Variants in ABI2 observed in about 807,000 individuals in gnomAD.
The protein encoded by ABI2 is abelson interactor 2.
In ABI2, 25 loss-of-function variants were observed where a neutral mutation model predicts 59.2. The ratio of observed to expected loss-of-function variants is 0.42; its 90% confidence interval spans 0.31 to 0.59. The LOEUF is 0.59. Among genes scored for constraint, ABI2 ranks in the 20% least tolerant of loss-of-function variants. The pLI, the probability that ABI2 is intolerant of heterozygous loss-of-function variation, is 0.14. For synonymous variants in ABI2, 213 were observed against 235.5 expected, an observed-to-expected ratio of 0.90 and a Z score of 0.87; for missense variants, 545 against 681.8, an observed-to-expected ratio of 0.80 and a Z score of 2.23.
intron 8 of ABI2, among the ~76,000 whole-genome samples, chr2:203,398,352 G>A (rs1245124669): frequency 3.3e-5 from 5 of 152,252 alleles, no homozygotes; most frequent in Non-Finnish European, 5.9e-5. Flanking sequence ...CCAACTGAGA[G>A]TCTATGTTTT....
intron 5 of ABI2, 29 bp downstream of exon 5, chr2:203,391,172 A>G (rs377657499): frequency 6.6e-5 from 96 of 1,464,294 alleles, no homozygotes; most frequent in Non-Finnish European, 8.8e-5. Flanking sequence ...ATTGAAAACC[A>G]TTTCATGTAG....
intron 1 of ABI2, among the ~76,000 whole-genome samples, chr2:203,364,005 C>T (rs1017322101): frequency 6.6e-6 from 1 of 151,842 alleles, no homozygotes; most frequent in Non-Finnish European, 1.5e-5. Flanking sequence ...CTCAGGTGAT[C>T]TGCCCACCTT....
chr2:203,382,133 A>G, intron 3 of ABI2, 56 bp from the exon 4 acceptor site: 1 of 1,456,646 alleles, frequency 6.9e-7, no homozygotes, highest in Non-Finnish European at 9.2e-7. Flanking sequence ...AGTTTCAACT[A>G]ACCTTTCAAT....
chr2:203,397,479 G>A (rs1003133761), intron 8 of ABI2, among the ~76,000 whole-genome samples: 4 of 152,162 alleles, frequency 2.6e-5, no homozygotes, highest in African/African-American at 9.7e-5. Flanking sequence ...AAGTTGGCTG[G>A]TGTTTTAAAA....
At chr2:203,399,447 A>G (rs534112791) in intron 8 of ABI2, among the ~76,000 whole-genome samples, 1 of 150,388 alleles carries the variant, frequency 6.6e-6, no homozygotes, top group Non-Finnish European at 1.5e-5. Context: ...TATGTCCTTT[A>G]TAGATTATGA....
In ABI2 at chr2:203,411,168, A is replaced by T; in HGVS notation, c.1193-117A>T. The T allele has an allele frequency of 3.6e-6, 3 of 822,018 alleles. No individual in the cohort carries two copies. The Admixed American group carries it at 6.0e-5, about 16-fold the overall frequency. The allele number at this position is 822,018 out of a possible 1,614,324, so 50.9% of individuals were successfully genotyped here. On this transcript the variant is annotated intron_variant, in intron 9 of 11. Coordinates refer to ENST00000261018, the MANE Select transcript of ABI2 (RefSeq NM_001375670.1). The stretch of plus-strand genomic sequence containing the variant: ...ACAGGGGATCCTTGAGATCACTGAT[A>T]AAATGTTTGTGAATAGTAGTTTCCC...
chr2:203,369,522 A>G (rs1267648832), intron 2 of ABI2, among the ~76,000 whole-genome samples: 2 of 152,232 alleles, frequency 1.3e-5, no homozygotes, highest in Admixed American at 6.5e-5. Flanking sequence ...GTATTAATTC[A>G]GTTATTCAGA....
At chr2:203,356,425 T>C (rs978487188) in intron 1 of ABI2, among the ~76,000 whole-genome samples, 1 of 152,080 alleles carries the variant, frequency 6.6e-6, no homozygotes, top group African/African-American at 2.4e-5. Flanking sequence ...CTGGAGTGCA[T>C]TGGCGTGATC....
At chr2:203,377,870 C>T (rs906297616) in intron 2 of ABI2, among the ~76,000 whole-genome samples, 2 of 152,196 alleles carry the variant, frequency 1.3e-5, no homozygotes, top group Non-Finnish European at 2.9e-5. Flanking sequence ...CGGGCCAGTC[C>T]ACTCCAGCCT....
At chr2:203,399,438 A>G (rs1182854803) in intron 8 of ABI2, among the ~76,000 whole-genome samples, 1 of 150,728 alleles carries the variant, frequency 6.6e-6, no homozygotes, top group Non-Finnish European at 1.5e-5. Context: ...TTCTAAATAT[A>G]TGTCCTTTAT....
chr2:203,372,881 G>A lies in ABI2; in HGVS notation c.285+5837G>A, dbSNP rs920436218. 9.9e-5 allele frequency among the ~76,000 whole-genome samples: 15 copies of A among 152,126 alleles called. 1 individual carries two copies. Among genetic ancestry groups the A allele is most frequent in the African/African-American group, 3.6e-4 (15 of 41,512 alleles). On this transcript the variant is annotated intron_variant, in intron 2 of 11. Coordinates refer to ENST00000261018, the MANE Select transcript of ABI2 (RefSeq NM_001375670.1). The stretch of plus-strand genomic sequence containing the variant: ...TCCCAGACGGGGCGGCGGGGCAGAG[G>A]CGCTCCCCACATCTCAGGCGATGGG...
chr2:203,345,032 C>T, intron 1 of ABI2, among the ~76,000 whole-genome samples: 1 of 152,172 alleles, frequency 6.6e-6, no homozygotes, highest in East Asian at 1.9e-4. Context: ...AAGCTGGCTG[C>T]CGGAGCCCGC....
chr2:203,411,597 A>C (rs1164854655), intron 10 of ABI2, among the ~76,000 whole-genome samples: 2 of 152,236 alleles, frequency 1.3e-5, no homozygotes, highest in East Asian at 3.8e-4. Context: ...ATATAAGAAA[A>C]GAAAGATCAC....
chr2:203,331,504 G>T (rs1224490454), intron 1 of ABI2, among the ~76,000 whole-genome samples: 3 of 151,684 alleles, frequency 2.0e-5, no homozygotes, highest in Non-Finnish European at 2.9e-5. Flanking sequence ...GACTACAGGT[G>T]TGTACCACCA....
Position 203,419,230 on chromosome 2 carries a change from C to T in ABI2, c.1453+2149C>T, listed in dbSNP as rs188781925. Among the ~76,000 whole-genome samples, 116 of 151,700 alleles carry T rather than the reference C, an allele frequency of 7.6e-4. 1 individual carries two copies. The East Asian group carries it at 0.022, about 28-fold the overall frequency. On this transcript the variant is annotated intron_variant, in intron 11 of 11. Coordinates refer to ENST00000261018, the MANE Select transcript of ABI2 (RefSeq NM_001375670.1). ...GTTCACGCCATTCTTCTGCCTCAGC[C>T]TCCCGAGTAGCTGGGACTACCGGCG...
At chr2:203,373,484 G>GGGGAGAGGGAGA (rs891277498) in intron 2 of ABI2, among the ~76,000 whole-genome samples, 1 of 151,160 alleles carries the variant, frequency 6.6e-6, no homozygotes, top group Non-Finnish European at 1.5e-5. Flanking sequence ...CATGGGCCGT[G>GGGGAGAGGGAGA]GGGAGAGGGA....
intron 1 of ABI2, among the ~76,000 whole-genome samples, chr2:203,346,327 C>T (rs1576216565): frequency 6.6e-6 from 1 of 152,050 alleles, no homozygotes; most frequent in East Asian, 1.9e-4. Flanking sequence ...TGCTAACAAC[C>T]ACAAAAGACT....
At chr2:203,422,049 A>T (rs1487629051) in intron 11 of ABI2, among the ~76,000 whole-genome samples, 1 of 151,854 alleles carries the variant, frequency 6.6e-6, no homozygotes. Context: ...GCTGTAAAGC[A>T]CTTTAAGAGG....
At chr2:203,342,196 G>A (rs2152523292) in intron 1 of ABI2, 1 of 455,938 alleles carries the variant, frequency 2.2e-6, no homozygotes, top group Non-Finnish European at 4.4e-6. Flanking sequence ...TTCAAAAATA[G>A]TTATTGAGCA....
Sources: gnomAD v4.1 joint callset for allele counts (sites outside exome capture counted in the v4.1 genomes callset) on GRCh38, gnomAD v4.1.1 for gene constraint, MANE v1.5 for transcripts, NCBI Gene and HGNC (gene_info 2026-07-23, HGNC 2026-07-21) for gene names.